The following NFATC2 variants were observed in gnomAD, a reference collection of about 807,000 sequenced individuals.
NFATC2 encodes nuclear factor of activated T-cells, cytoplasmic 2.
In NFATC2, 22 loss-of-function variants were observed where a neutral mutation model predicts 87.3. That is an observed-to-expected ratio of 0.25 (90% CI 0.18 to 0.36). The LOEUF (loss-of-function observed/expected upper bound fraction) is 0.36. Among genes scored for constraint, NFATC2 ranks in the 10% least tolerant of loss-of-function variants. The pLI, the probability that NFATC2 is intolerant of heterozygous loss-of-function variation, is 1.00. For missense variants in NFATC2, 1,149 were observed against 1,259.1 expected (o/e 0.91, Z 1.32); for synonymous variants, 565 against 542.2 (o/e 1.04, Z -0.58).
chr20:51,551,413 AT>A (rs1375935009), intron 1 of NFATC2, among the ~76,000 whole-genome samples: 4 of 151,056 alleles, frequency 2.6e-5, no homozygotes, highest in East Asian at 3.9e-4. Context: ...TTATTTATTT[AT>A]TTTTTTTGAG....
intron 6 of NFATC2, among the ~76,000 whole-genome samples, chr20:51,450,292 A>G (rs1985611915): frequency 6.6e-6 from 1 of 152,230 alleles, no homozygotes; most frequent in African/African-American, 2.4e-5. Flanking sequence ...GATCTCTCCC[A>G]GCCTAGGCCA....
chr20:51,399,516 C>T (rs1427746654), intron 9 of NFATC2, among the ~76,000 whole-genome samples: 1 of 151,516 alleles, frequency 6.6e-6, no homozygotes, highest in African/African-American at 2.4e-5. Context: ...CAAATAGAGG[C>T]ATAAGCTCCC....
At chr20:51,455,692 G>A (rs1338927105) in intron 5 of NFATC2, among the ~76,000 whole-genome samples, 1 of 83,936 alleles carries the variant, frequency 1.2e-5, no homozygotes, top group Non-Finnish European at 2.3e-5. Flanking sequence ...CAAGAACCTA[G>A]GAGGAGAACG....
intron 2 of NFATC2, among the ~76,000 whole-genome samples, chr20:51,520,224 T>C (rs1201669550): frequency 6.6e-6 from 1 of 152,222 alleles, no homozygotes; most frequent in African/African-American, 2.4e-5. Context: ...TCATATTTTA[T>C]AGCAGTGTCC....
intron 1 of NFATC2, among the ~76,000 whole-genome samples, chr20:51,561,335 A>AAAAGAAAG (rs1555822716): frequency 7.8e-6 from 1 of 127,470 alleles, no homozygotes; most frequent in Admixed American, 7.8e-5. Flanking sequence ...AAAAAAAAAA[A>AAAAGAAAG]AAAGAAAGAA....
intron 9 of NFATC2, among the ~76,000 whole-genome samples, chr20:51,401,650 TCAAAAACCA>T (rs766357618): frequency 2.6e-4 from 39 of 152,116 alleles, no homozygotes; most frequent in Admixed American, 7.2e-4. Flanking sequence ...CAGGGGTACC[TCAAAAACCA>T]CAATTACTTT....
intron 5 of NFATC2, among the ~76,000 whole-genome samples, chr20:51,462,402 C>T (rs192702752): frequency 3.3e-5 from 5 of 152,202 alleles, no homozygotes; most frequent in African/African-American, 9.6e-5. Flanking sequence ...GTCGAGATCG[C>T]GCCACTGCAC....
intron 3 of NFATC2, among the ~76,000 whole-genome samples, chr20:51,484,781 G>A (rs968504955): frequency 1.3e-5 from 2 of 152,222 alleles, no homozygotes; most frequent in Non-Finnish European, 2.9e-5. Flanking sequence ...TCCGAACAGA[G>A]GTGACAGCAT....
chr20:51,558,686 T>C (rs1249443357), intron 1 of NFATC2, among the ~76,000 whole-genome samples: 1 of 152,150 alleles, frequency 6.6e-6, no homozygotes, highest in Non-Finnish European at 1.5e-5. Context: ...AGCAAATAAA[T>C]AGTTAAAGCC....
chr20:51,532,086 C>T (rs77794641), intron 1 of NFATC2, among the ~76,000 whole-genome samples: 6,314 of 152,096 alleles, frequency 0.042, 171 homozygotes, highest in Middle Eastern at 0.095. Context: ...GTCAGTGAGC[C>T]GCTTGTCATA....
At chr20:51,491,294 AAAG>A (rs1232182589) in intron 3 of NFATC2, among the ~76,000 whole-genome samples, 2 of 152,118 alleles carry the variant, frequency 1.3e-5, no homozygotes, top group East Asian at 1.9e-4. Flanking sequence ...TAAAAAAAAA[AAAG>A]AAGAGGGAAA....
rs397864888 is a variant in NFATC2, at chr20:51,540,658, G to GTTTTTTTTTTTTTTTTT, written c.130+1711_130+1712insAAAAAAAAAAAAAAAAA. Among the ~76,000 whole-genome samples, 11 of 110,070 alleles carry GTTTTTTTTTTTTTTTTT rather than the reference G, an allele frequency of 1.0e-4. 1 individual carries two copies. In the East Asian group the frequency reaches 1.0e-3, roughly 10 times the overall value. The allele number at this position is 110,070 out of a possible 152,430, so 72.2% of individuals were successfully genotyped here. On this transcript the variant is annotated intron_variant, in intron 1 of 10. Coordinates refer to ENST00000371564, the MANE Select transcript of NFATC2 (RefSeq NM_012340.5). The stretch of plus-strand genomic sequence containing the variant: ...TTCCAAAAACTGAAGTTTTTTTTTT[G>GTTTTTTTTTTTTTTTTT]TTTTTTTTTTTTTGAGAAAACAGAT...
chr20:51,561,729 C>T (rs894814457), intron 1 of NFATC2, among the ~76,000 whole-genome samples: 1 of 152,148 alleles, frequency 6.6e-6, no homozygotes, highest in Admixed American at 6.5e-5. Flanking sequence ...CTGCAGCCCC[C>T]AACGCAGTGC....
In NFATC2 at chr20:51,524,804, G is replaced by A. The variant is rs775273644; in HGVS notation, c.131-694C>T. ...AAATGAGGAAACTGAGGCCCAGAGC[G>A]GGGAAAAGGCCCACCGAAAGATACG... On this transcript the variant is annotated intron_variant, in intron 1 of 10. Transcript: ENST00000371564. The surrounding 1 kb of genome is among the most constrained non-coding windows in gnomAD (Gnocchi z 4.0). 3.9e-5 allele frequency among the ~76,000 whole-genome samples: 6 copies of A among 152,090 alleles called. No homozygotes were observed. Among genetic ancestry groups the A allele is most frequent in the African/African-American group, 9.7e-5 (4 of 41,392 alleles).
intron 9 of NFATC2, 173 bp from the exon 10 acceptor site, chr20:51,398,903 C>CAACACTAGGGTAATAATCATGG (rs1987658166): frequency 1.7e-6 from 1 of 599,968 alleles, no homozygotes; most frequent in Non-Finnish European, 3.0e-6. Flanking sequence ...AGAATTAACC[C>CAACACTAGGGTAATAATCATGG]AACACTAGGG....
In NFATC2 at chr20:51,474,095, G is replaced by A. The variant is rs143205994; in HGVS notation, c.1593C>T (p.Gly531=). The A allele has an allele frequency of 6.7e-5, 108 of 1,614,016 alleles. No homozygotes were observed. Among genetic ancestry groups the A allele is most frequent in the Non-Finnish European group, 8.6e-5 (102 of 1,180,038 alleles). Residue 531 remains glycine (G), a synonymous_variant, in exon 5 of 11, where the codon GGC becomes GGT. Coordinates refer to ENST00000371564, the MANE Select transcript of NFATC2 (RefSeq NM_012340.5). ...TGTTCTTTCTTCCAATGTCCGTCTC[G>A]CCTTTCCGCAGCTCAATGTCGGCGT... The part of the protein sequence containing the change: ...LRNADIELRK[G]ETDIGRKNTR...
intron 5 of NFATC2, among the ~76,000 whole-genome samples, chr20:51,465,317 C>A (rs540809689): frequency 6.6e-6 from 1 of 152,236 alleles, no homozygotes; most frequent in South Asian, 2.1e-4. Flanking sequence ...GAGACAGAGG[C>A]TGCAGTGAGC....
Position 51,396,491 on chromosome 20 carries a change from C to T in NFATC2, c.*44+2152G>A, listed in dbSNP as rs748870759. Among the ~76,000 whole-genome samples, 102 of 152,178 alleles carry T rather than the reference C, an allele frequency of 6.7e-4. 1 individual carries two copies. The highest frequency in any genetic ancestry group is 2.2e-4 in the Non-Finnish European group (15 of 68,030). The stretch of plus-strand genomic sequence containing the variant: ...CTGAGAAAGCAGCAACAGGAAGGAA[C>T]GGATAGGCTGGGTCCTGCTTCTCGC... On this transcript the variant is annotated intron_variant, in intron 10 of 10. Transcript: ENST00000371564.
At chr20:51,393,136 T>C (rs1292836826) in intron 10 of NFATC2, among the ~76,000 whole-genome samples, 1 of 152,198 alleles carries the variant, frequency 6.6e-6, no homozygotes, top group Non-Finnish European at 1.5e-5. Context: ...TTGCAAACAT[T>C]GGCTTTGTTT....
Sources: gnomAD v4.1 joint callset for allele counts (sites outside exome capture counted in the v4.1 genomes callset) on GRCh38, gnomAD v4.1.1 for gene constraint, Gnocchi (gnomAD v3.1) non-coding constraint, MANE v1.5 for transcripts, NCBI Gene and HGNC (gene_info 2026-07-23, HGNC 2026-07-21) for gene names.